Variants in TRIT1 observed in about 807,000 individuals in gnomAD.
The protein encoded by TRIT1 is tRNA dimethylallyltransferase.
In TRIT1, 43 loss-of-function variants were observed where a neutral mutation model predicts 51.2. The observed-to-expected ratio is 0.84, with a 90% CI of 0.66 to 1.08. The LOEUF is 1.08. Among genes scored for constraint, TRIT1 ranks in the 50% least tolerant of loss-of-function variants. The pLI is 0.00. For synonymous variants in TRIT1, 184 were observed against 203.9 expected, an observed-to-expected ratio of 0.90 and a Z score of 0.83; for missense variants, 528 against 578.4, an observed-to-expected ratio of 0.91 and a Z score of 0.89.
chr1:39,871,409 G>A (rs906287125), intron 1 of TRIT1, among the ~76,000 whole-genome samples: 1 of 152,104 alleles, frequency 6.6e-6, no homozygotes, highest in African/African-American at 2.4e-5. Flanking sequence ...TGGTGAAACC[G>A]TCTCTACAAA....
At chr1:39,848,474 AT>A (rs891123463) in intron 5 of TRIT1, among the ~76,000 whole-genome samples, 4 of 151,504 alleles carry the variant, frequency 2.6e-5, no homozygotes, top group African/African-American at 7.3e-5. Flanking sequence ...GTGTTACTTT[AT>A]GTTTAAGAAC....
chr1:39,853,403 G>GTT (rs3835696), intron 3 of TRIT1, among the ~76,000 whole-genome samples: 35 of 147,792 alleles, frequency 2.4e-4, no homozygotes, highest in African/African-American at 8.4e-4. Context: ...AATCGCATCT[G>GTT]TTTTTTTTTT....
Position 39,853,972 on chromosome 1 carries a change from T to C in TRIT1, c.412A>G (p.Lys138Glu), listed in dbSNP as rs1484799583. Residue 138 changes from lysine to glutamate, a missense_variant and splice_region_variant, in exon 3 of 11, where the codon AAG becomes GAG. This residue lies in a region of TRIT1 where 468 missense variants were observed against 522.6 expected (regional missense o/e 0.90). Coordinates refer to ENST00000316891, the MANE Select transcript of TRIT1 (RefSeq NM_017646.6). ...AGTTACGAGTGAACTAAACTTACCT[T>C]GGTATTGACAAGAACTTTCCAGAGC... ...SLLWKVLVNT[K>E]PQEMGTEKVI... The C allele has an allele frequency of 1.2e-6, 2 of 1,607,722 alleles. No homozygotes were observed. Among genetic ancestry groups the C allele is most frequent in the Non-Finnish European group, 1.7e-6 (2 of 1,175,400 alleles).
chr1:39,852,626 C>A, intron 4 of TRIT1, 105 bp downstream of exon 4: 1 of 1,396,142 alleles, frequency 7.2e-7, no homozygotes, highest in South Asian at 1.4e-5. Context: ...CATCAATCTC[C>A]ACTAACTGCT....
At position 39,838,165 on chromosome 1, in the gene TRIT1, GCATT is replaced by G. The variant is rs1215226301; in HGVS notation, c.*3575_*3578del. Among the ~76,000 whole-genome samples, 2 of 152,222 alleles carry G rather than the reference GCATT, an allele frequency of 1.3e-5. No homozygotes were observed. Among genetic ancestry groups the G allele is most frequent in the East Asian group, 1.9e-4 (1 of 5,202 alleles). ...TACAAACATGCAGCTTCCTTTGTAA[GCATT>G]CAGAGTAGCTTTACAAATAACCAGT... On this transcript the variant is annotated 3_prime_UTR_variant, in exon 11 of 11. Transcript: ENST00000316891.
chr1:39,848,208 GA>G lies in TRIT1; in HGVS notation c.704-112del, dbSNP rs143719619. On this transcript the variant is annotated intron_variant, in intron 5 of 10. Transcript: ENST00000316891. ...AAAAAGAGAATTTGTCCAAACGGAA[GA>G]AAGAATTCAGATTCCAAAGATTATT... 453 of 742,694 alleles carry G rather than the reference GA, an allele frequency of 6.1e-4. 1 individual carries two copies. In the African/African-American group the frequency reaches 7.2e-3, roughly 12 times the overall value. 46.0% of individuals were successfully genotyped at this position (742,694 alleles called of 1,614,324 possible). A position where few individuals can be genotyped will look rare whatever the true frequency, so the allele number is the denominator to read the frequency against.
In TRIT1 at chr1:39,839,600, G is replaced by A. The variant is rs1285666505; in HGVS notation, c.*2144C>T. Among the ~76,000 whole-genome samples, 1 of 152,204 alleles carries A rather than the reference G, an allele frequency of 6.6e-6. No homozygotes were observed. Among genetic ancestry groups the A allele is most frequent in the Non-Finnish European group, 1.5e-5 (1 of 68,034 alleles). On this transcript the variant is annotated 3_prime_UTR_variant, in exon 11 of 11. Transcript: ENST00000316891. ...CAGGCAGATTTCTAGTGAGTGTTCT[G>A]CCTTTCCCAGGCTCTTTGCTGCTGA...
At chr1:39,856,061 C>CT (rs1642879782) in intron 2 of TRIT1, among the ~76,000 whole-genome samples, 1 of 152,120 alleles carries the variant, frequency 6.6e-6, no homozygotes, top group African/African-American at 2.4e-5. Flanking sequence ...TATCCCAGCA[C>CT]TTTGGAAGGC....
rs1440549296 is a variant in TRIT1, at chr1:39,877,021, A to C, written c.174+6297T>G. Among the ~76,000 whole-genome samples, 280 of 42,258 alleles carry C rather than the reference A, an allele frequency of 6.6e-3. 1 individual carries two copies. The highest frequency in any genetic ancestry group is 0.043 in the African/African-American group (272 of 6,304). The allele number at this position is 42,258 out of a possible 152,430, so 27.7% of individuals were successfully genotyped here. ...TTTTCTCCTGGTTAATGGGTCTTCA[A>C]AAAAAAAAAAAAAAAAAAAAAAACA... On this transcript the variant is annotated intron_variant, in intron 1 of 10. Transcript: ENST00000316891.
chr1:39,846,665 ATATATG>A (rs1006799392), intron 8 of TRIT1, among the ~76,000 whole-genome samples: 5 of 152,224 alleles, frequency 3.3e-5, no homozygotes, highest in African/African-American at 1.2e-4. Context: ...AGACTCAATA[ATATATG>A]TATAACACCA....
chr1:39,854,098 A>C, intron 2 of TRIT1, 30 bp from the exon 3 acceptor site: 2 of 1,482,636 alleles, frequency 1.3e-6, no homozygotes, highest in Non-Finnish European at 1.9e-6. Context: ...TCACGATATC[A>C]AGAGAATCCT....
At chr1:39,861,290 A>AG (rs1643228283) in intron 1 of TRIT1, among the ~76,000 whole-genome samples, 1 of 152,196 alleles carries the variant, frequency 6.6e-6, no homozygotes, top group South Asian at 2.1e-4. Flanking sequence ...ACATTTTGGA[A>AG]GACTGAGGCA....
At chr1:39,876,011 C>T (rs553966015) in intron 1 of TRIT1, 3 of 152,034 alleles carry the variant, frequency 2.0e-5, no homozygotes, top group Non-Finnish European at 4.4e-5. Context: ...GTAATGAGGG[C>T]TTGAACTCTG....
chr1:39,866,026 G>C (rs1033492525), intron 1 of TRIT1, among the ~76,000 whole-genome samples: 3 of 96,022 alleles, frequency 3.1e-5, no homozygotes, highest in African/African-American at 8.7e-5. Context: ...AGAAAAGAAA[G>C]AAAAGAAAAG....
intron 1 of TRIT1, among the ~76,000 whole-genome samples, chr1:39,859,850 G>A (rs1174298391): frequency 2.0e-5 from 3 of 152,162 alleles, no homozygotes; most frequent in South Asian, 2.1e-4. Context: ...AGTGTCAAAT[G>A]CATAGCTGCA....
chr1:39,839,884 C>G lies in TRIT1; in HGVS notation c.*1860G>C, dbSNP rs1181759376. On this transcript the variant is annotated 3_prime_UTR_variant, in exon 11 of 11. Transcript: ENST00000316891. ...GTTTTTCCTGCTTGTCTACTGAAAC[C>G]TTTTTAGGCTTTAAAACATACTTAG... 6.6e-6 allele frequency among the ~76,000 whole-genome samples: 1 copy of G among 152,096 alleles called. No homozygotes were observed. The highest frequency in any genetic ancestry group is 1.9e-4 in the East Asian group (1 of 5,200).
Position 39,852,637 on chromosome 1 carries a change from A to G in TRIT1, c.560+94T>C, listed in dbSNP as rs953022493. 12 of 1,472,392 alleles carry G rather than the reference A, an allele frequency of 8.1e-6. No individual in the cohort carries two copies. In the East Asian group the frequency reaches 9.1e-5, roughly 11 times the overall value. The allele number at this position is 1,472,392 out of a possible 1,614,324, so 91.2% of individuals were successfully genotyped here. On this transcript the variant is annotated intron_variant, in intron 4 of 10. Coordinates refer to ENST00000316891, the MANE Select transcript of TRIT1 (RefSeq NM_017646.6). ...AACACATCAATCTCCACTAACTGCT[A>G]TTACCAAATCTCTCTCATCATCTGG...
chr1:39,861,467 A>G (rs1451516588), intron 1 of TRIT1, among the ~76,000 whole-genome samples: 1 of 152,242 alleles, frequency 6.6e-6, no homozygotes, highest in East Asian at 1.9e-4. Flanking sequence ...TACATACCCA[A>G]AAGAATTGAA....
In TRIT1 at chr1:39,840,780, T is replaced by C. The variant is rs1641840466; in HGVS notation, c.*964A>G. Among the ~76,000 whole-genome samples, 1 of 152,234 alleles carries C rather than the reference T, an allele frequency of 6.6e-6. No homozygotes were observed. The highest frequency in any genetic ancestry group is 6.5e-5 in the Admixed American group (1 of 15,284). On this transcript the variant is annotated 3_prime_UTR_variant, in exon 11 of 11. Transcript: ENST00000316891. ...CCTAAAAATGCTATATTTGATGTTA[T>C]ATATAAATAAGTATCTGTTTAACAT...
Sources: allele counts gnomAD v4.1 joint callset (sites outside exome capture counted in the v4.1 genomes callset), GRCh38; gene constraint gnomAD v4.1.1; regional missense constraint gnomAD v4.1.1; transcripts MANE v1.5; gene names NCBI Gene and HGNC (gene_info 2026-07-23, HGNC 2026-07-21).